Variants in SLC25A28 observed in about 807,000 individuals in gnomAD.
The protein encoded by SLC25A28 is solute carrier family 25 member 28.
In SLC25A28, 10 loss-of-function variants were observed where a neutral mutation model predicts 31.9. The ratio of observed to expected loss-of-function variants is 0.31; its 90% CI spans 0.19 to 0.53. The LOEUF is 0.53. Ranked by LOEUF, SLC25A28 falls within the 20% of genes least tolerant of loss-of-function variation. SLC25A28 has a pLI of 0.95. For synonymous variants in SLC25A28, 208 were observed against 203.6 expected (o/e 1.02, Z -0.19); for missense variants, 256 against 490.3 (o/e 0.52, Z 4.51).
At chr10:99,649,910 T>C in the SLC25A28 span, among the ~76,000 whole-genome samples, 31 of 152,174 alleles carry the variant, frequency 2.0e-4, no homozygotes, top group African/African-American at 6.3e-4. Flanking sequence ...TTTTCATTCA[T>C]TGATTTTTTT....
the SLC25A28 span, chr10:99,653,715 T>G: frequency 6.6e-6 from 1 of 152,258 alleles, no homozygotes; most frequent in Admixed American, 6.5e-5. Context: ...CTAGAGGGAA[T>G]GCTCAAAATT....
chr10:99,621,068 G>T, upstream of SLC25A28: 2 of 829,818 alleles, frequency 2.4e-6, no homozygotes, highest in Non-Finnish European at 1.5e-6. Context: ...GGCCTGGGCC[G>T]GTCATCCCTG....
chr10:99,617,438 T>C (rs1358349547), intron 1 of SLC25A28: 7 of 985,352 alleles, frequency 7.1e-6, no homozygotes, highest in Non-Finnish European at 8.4e-6. Context: ...GCAAACATTG[T>C]GGTTGCCCTT....
chr10:99,625,356 T>C (rs574673518), upstream of SLC25A28, among the ~76,000 whole-genome samples: 203 of 152,138 alleles, frequency 1.3e-3, no homozygotes, highest in African/African-American at 4.4e-3. Flanking sequence ...TTACAGAGCA[T>C]TGATTGGTCC....
At chr10:99,627,875 G>A in the SLC25A28 span, among the ~76,000 whole-genome samples, 7 of 40,230 alleles carry the variant, frequency 1.7e-4, no homozygotes, top group African/African-American at 3.5e-4. Flanking sequence ...CCCACCTCCC[G>A]CAAGTTCCCG....
At chr10:99,630,200 GCTCA>G in the SLC25A28 span, among the ~76,000 whole-genome samples, 202 of 152,146 alleles carry the variant, frequency 1.3e-3, no homozygotes, top group African/African-American at 4.6e-3. Flanking sequence ...ACAGATCTCA[GCTCA>G]CTCAAACTCT....
At chr10:99,612,680 G>T in intron 2 of SLC25A28, 81 bp from the exon 3 acceptor site, 1 of 1,499,542 alleles carries the variant, frequency 6.7e-7, no homozygotes, top group Non-Finnish European at 9.3e-7. Flanking sequence ...AAGGGGAGTG[G>T]CTGTGCTACA....
At chr10:99,614,136 AT>A (rs961841942) in intron 1 of SLC25A28, among the ~76,000 whole-genome samples, 1 of 152,194 alleles carries the variant, frequency 6.6e-6, no homozygotes, top group African/African-American at 2.4e-5. Flanking sequence ...GAACACCATT[AT>A]TTTCCCTGAA....
chr10:99,616,360 C>T, intron 1 of SLC25A28: 1 of 796,432 alleles, frequency 1.3e-6, no homozygotes, highest in Non-Finnish European at 1.5e-6. Flanking sequence ...GCTCACAGGG[C>T]TGTTGTGGGG....
intron 1 of SLC25A28, chr10:99,615,306 G>T: frequency 1.4e-6 from 1 of 697,788 alleles, no homozygotes; most frequent in Non-Finnish European, 1.8e-6. Flanking sequence ...AGCCTTCGCT[G>T]GTTTGAGCCA....
At chr10:99,648,106 C>G in the SLC25A28 span, among the ~76,000 whole-genome samples, 2 of 151,800 alleles carry the variant, frequency 1.3e-5, 1 homozygote, top group East Asian at 3.9e-4. Flanking sequence ...TCAAGCAATT[C>G]TCATGCCTCA....
the SLC25A28 span, among the ~76,000 whole-genome samples, chr10:99,626,930 C>G: frequency 6.6e-6 from 1 of 151,982 alleles, no homozygotes; most frequent in Non-Finnish European, 1.5e-5. Context: ...TAACCCTGCC[C>G]TTTGTATTTT....
At chr10:99,647,833 T>A in the SLC25A28 span, among the ~76,000 whole-genome samples, 2 of 152,196 alleles carry the variant, frequency 1.3e-5, no homozygotes, top group Non-Finnish European at 2.9e-5. Flanking sequence ...TTTTTGTTTA[T>A]GGCGAGAGGT....
At chr10:99,649,697 A>G in the SLC25A28 span, among the ~76,000 whole-genome samples, 1 of 152,042 alleles carries the variant, frequency 6.6e-6, no homozygotes, top group East Asian at 1.9e-4. Flanking sequence ...AGAAGATTGT[A>G]TGTTTCCAGA....
the SLC25A28 span, among the ~76,000 whole-genome samples, chr10:99,643,019 A>G: frequency 2.6e-5 from 4 of 152,002 alleles, no homozygotes; most frequent in African/African-American, 4.8e-5. Context: ...ATATTAGTCT[A>G]AAATTCTCTT....
chr10:99,652,796 TG>T, the SLC25A28 span, among the ~76,000 whole-genome samples: 2 of 152,170 alleles, frequency 1.3e-5, no homozygotes, highest in Admixed American at 6.5e-5. Flanking sequence ...GAATGACCTG[TG>T]GTACTGATTT....
At position 99,610,817 on chromosome 10, in the gene SLC25A28, C is replaced by CATCT. The variant is rs781200629; in HGVS notation, c.*28_*31dup. The CATCT allele has an allele frequency of 3.1e-4, 492 of 1,596,304 alleles. No homozygotes were observed. The highest frequency in any genetic ancestry group is 4.0e-4 in the Non-Finnish European group (467 of 1,169,866). On this transcript the variant is annotated 3_prime_UTR_variant, in exon 4 of 4. Coordinates refer to ENST00000370495, the MANE Select transcript of SLC25A28 (RefSeq NM_031212.4). ...GAATGTGACCAGGATGCAGCAGTGT[C>CATCT]ATCTGAACCCCTGGCTTCGTTCAGT...
chr10:99,633,995 T>TA, the SLC25A28 span, among the ~76,000 whole-genome samples: 1 of 152,100 alleles, frequency 6.6e-6, no homozygotes, highest in Non-Finnish European at 1.5e-5. Flanking sequence ...TAACTCCCAG[T>TA]ACCAGCCTGG....
At chr10:99,621,038 C>T (rs966591292), upstream of SLC25A28, 1 of 963,250 alleles carries the variant, frequency 1.0e-6, no homozygotes, top group South Asian at 4.8e-5. Context: ...GGGATCTCGT[C>T]GCGGGCGTGA....
Sources: allele counts gnomAD v4.1 joint callset (sites outside exome capture counted in the v4.1 genomes callset), GRCh38; gene constraint gnomAD v4.1.1; transcripts MANE v1.5; gene names NCBI Gene and HGNC (gene_info 2026-07-23, HGNC 2026-07-21).